SOCS5: variants seen among roughly 807,000 people sequenced by gnomAD.
The protein encoded by SOCS5 is suppressor of cytokine signaling 5, also known as CIS-6.
SOCS5 carries 32 observed loss-of-function variants against 42.8 expected under a neutral mutation model. The ratio of observed to expected loss-of-function variants is 0.75; its 90% confidence interval spans 0.56 to 1.01. The LOEUF is 1.01. Among genes scored for constraint, SOCS5 ranks in the 50% least tolerant of loss-of-function variants. The pLI, the probability that SOCS5 is intolerant of heterozygous loss-of-function variation, is 0.00. For synonymous variants in SOCS5, 283 were observed against 229.6 expected (o/e 1.23, Z -2.10); for missense variants, 627 against 653.0 (o/e 0.96, Z 0.43).
In SOCS5 at chr2:46,719,196, T is replaced by C. The variant is rs373677441; in HGVS notation, c.-13+19747T>C. Among the ~76,000 whole-genome samples the C allele has an allele frequency of 3.3e-5, 5 of 152,312 alleles. No homozygotes were observed. In the South Asian group the frequency reaches 1.0e-3, roughly 32 times the overall value. On this transcript the variant is annotated intron_variant, in intron 1 of 1. Transcript: ENST00000394861. ...GGATTTTGAGGGTTATAAGAAACTG[T>C]TCACAATATAGTGAATGATAAAAGC...
intron 1 of SOCS5, among the ~76,000 whole-genome samples, chr2:46,748,853 T>A (rs1044470195): frequency 6.6e-6 from 1 of 152,202 alleles, no homozygotes; most frequent in Non-Finnish European, 1.5e-5. Context: ...TTCCATTTGC[T>A]CACTTACCAT....
At chr2:46,737,978 T>C (rs988145034) in intron 1 of SOCS5, among the ~76,000 whole-genome samples, 1 of 152,206 alleles carries the variant, frequency 6.6e-6, no homozygotes, top group African/African-American at 2.4e-5. Flanking sequence ...AAAATTGATA[T>C]GCTTGAAATG....
rs1183275391 is a variant in SOCS5 at position 46,715,389 on chromosome 2, A to C, written c.-13+15940A>C. Among the ~76,000 whole-genome samples, 3 of 151,838 alleles carry C rather than the reference A, an allele frequency of 2.0e-5. No individual in the cohort carries two copies. The East Asian group carries it at 5.8e-4, about 29-fold the overall frequency. ...ACCCTGTCAAAAAAAAAAAAAAGAAAAGAAAAAAGAAAAATGTCTTTAATA... is the reference window on the plus strand; with the variant it reads ...ACCCTGTCAAAAAAAAAAAAAAGAACAGAAAAAAGAAAAATGTCTTTAATA... On this transcript the variant is annotated intron_variant, in intron 1 of 1. Transcript: ENST00000394861.
intron 1 of SOCS5, among the ~76,000 whole-genome samples, chr2:46,701,048 G>A (rs1229980683): frequency 6.6e-6 from 1 of 152,120 alleles, no homozygotes; most frequent in Non-Finnish European, 1.5e-5. Context: ...AATAACTAAT[G>A]GATAATTATA....
intron 1 of SOCS5, among the ~76,000 whole-genome samples, chr2:46,720,434 C>T (rs1017581251): frequency 6.6e-6 from 1 of 152,124 alleles, no homozygotes; most frequent in Non-Finnish European, 1.5e-5. Flanking sequence ...TTATGTCTTA[C>T]TGTGAGATCT....
intron 1 of SOCS5, among the ~76,000 whole-genome samples, chr2:46,703,398 G>A (rs1325108709): frequency 1.3e-5 from 2 of 151,854 alleles, no homozygotes; most frequent in African/African-American, 4.8e-5. Flanking sequence ...TTTGAAGAGT[G>A]ACCAATTTCT....
intron 1 of SOCS5, among the ~76,000 whole-genome samples, chr2:46,754,757 A>G (rs781756956): frequency 4.6e-5 from 7 of 152,210 alleles, no homozygotes; most frequent in Non-Finnish European, 1.0e-4. Flanking sequence ...TGGCCATCCA[A>G]TTAGATAATA....
chr2:46,741,423 A>G (rs1385342336), intron 1 of SOCS5, among the ~76,000 whole-genome samples: 1 of 152,062 alleles, frequency 6.6e-6, no homozygotes, highest in Non-Finnish European at 1.5e-5. Flanking sequence ...ATTTTTACAA[A>G]TCCCAAAGTG....
chr2:46,757,727 C>T (rs1295605044), intron 1 of SOCS5, among the ~76,000 whole-genome samples: 1 of 152,004 alleles, frequency 6.6e-6, no homozygotes, highest in East Asian at 1.9e-4. Flanking sequence ...ATTAGCCGGG[C>T]GTGGTGGTAC....
chr2:46,717,791 A>C (rs1469059952), intron 1 of SOCS5, among the ~76,000 whole-genome samples: 3 of 151,876 alleles, frequency 2.0e-5, no homozygotes, highest in East Asian at 3.9e-4. Context: ...AGGTCTTTTC[A>C]CTCTAGCTTA....
intron 1 of SOCS5, among the ~76,000 whole-genome samples, chr2:46,749,782 C>A (rs1377225914): frequency 6.6e-6 from 1 of 152,056 alleles, no homozygotes; most frequent in African/African-American, 2.4e-5. Context: ...ATTGAAATGT[C>A]CATAGTGTTT....
chr2:46,724,550 C>T (rs1271109542), intron 1 of SOCS5, among the ~76,000 whole-genome samples: 1 of 151,992 alleles, frequency 6.6e-6, no homozygotes, highest in Admixed American at 6.5e-5. Flanking sequence ...TGCTTAACTA[C>T]ATCATACAAA....
In SOCS5 at chr2:46,699,362, G is replaced by A. The variant is rs1181869189; in HGVS notation, c.-100G>A. The A allele has an allele frequency of 6.6e-6, 1 of 152,032 alleles. No individual in the cohort carries two copies. The highest frequency in any genetic ancestry group is 2.4e-5 in the African/African-American group (1 of 41,434). The allele number at this position is 152,032 out of a possible 1,614,324, so 9.4% of individuals were successfully genotyped here. Reference sequence around the variant, plus strand: ...GACGGGACGCACCGGAGGGCAGGCGGACTCGCCCTGTCGGTGACTGCGCCG... The same window carrying A: ...GACGGGACGCACCGGAGGGCAGGCGAACTCGCCCTGTCGGTGACTGCGCCG... On this transcript the variant is annotated 5_prime_UTR_variant, in exon 1 of 2. Coordinates refer to ENST00000394861, the MANE Select transcript of SOCS5 (RefSeq NM_144949.3). This position sits in a 1 kb window ranked among gnomAD's most constrained non-coding sequence, Gnocchi z 4.8.
chr2:46,714,282 G>C (rs1672690836), intron 1 of SOCS5, among the ~76,000 whole-genome samples: 1 of 152,124 alleles, frequency 6.6e-6, no homozygotes, highest in Non-Finnish European at 1.5e-5. Flanking sequence ...TCTTCTTTCA[G>C]TTCCAATAAG....
intron 1 of SOCS5, among the ~76,000 whole-genome samples, chr2:46,738,297 G>C (rs1055777308): frequency 6.6e-6 from 1 of 152,128 alleles, no homozygotes; most frequent in Non-Finnish European, 1.5e-5. Context: ...ATCTAGGAAT[G>C]AGACAAAAAT....
At chr2:46,745,643 T>G (rs1257674641) in intron 1 of SOCS5, among the ~76,000 whole-genome samples, 1 of 152,186 alleles carries the variant, frequency 6.6e-6, no homozygotes, top group African/African-American at 2.4e-5. Context: ...CACAGATCTT[T>G]GAGGTTAGCT....
At chr2:46,729,011 A>C (rs1449042096) in intron 1 of SOCS5, among the ~76,000 whole-genome samples, 1 of 152,226 alleles carries the variant, frequency 6.6e-6, no homozygotes, top group African/African-American at 2.4e-5. Flanking sequence ...TGAATCAGAA[A>C]TTCTGGGAGT....
At chr2:46,705,120 C>G (rs1224050561) in intron 1 of SOCS5, among the ~76,000 whole-genome samples, 2 of 152,140 alleles carry the variant, frequency 1.3e-5, no homozygotes, top group South Asian at 2.1e-4. Flanking sequence ...TTGTAATAAC[C>G]AGCAAAAGTG....
At chr2:46,704,382 A>C (rs1173889860) in intron 1 of SOCS5, among the ~76,000 whole-genome samples, 2 of 152,174 alleles carry the variant, frequency 1.3e-5, no homozygotes, top group African/African-American at 4.8e-5. Context: ...AACAATGAGA[A>C]CTCCAATGAT....
Sources: allele counts gnomAD v4.1 joint callset (sites outside exome capture counted in the v4.1 genomes callset), GRCh38; gene constraint gnomAD v4.1.1; non-coding constraint Gnocchi (gnomAD v3.1); transcripts MANE v1.5; gene names NCBI Gene and HGNC (gene_info 2026-07-23, HGNC 2026-07-21).